Variants in MYCBP2 observed in about 807,000 individuals in gnomAD.
MYCBP2 encodes the protein MYC binding protein 2.
A neutral mutation model predicts 525.3 loss-of-function variants in MYCBP2; 120 were observed. The ratio of observed to expected loss-of-function variants is 0.23; its 90% CI spans 0.20 to 0.27. The LOEUF (loss-of-function observed/expected upper bound fraction) is 0.27, where lower values mean the gene tolerates loss of function less well. MYCBP2 is among the 10% of genes least tolerant of loss of function. The probability of loss-of-function intolerance (pLI) is 1.00; values close to 1 mark genes in which losing one functional copy is unlikely to be tolerated. For missense variants in MYCBP2, 4,149 were observed against 5,657.1 expected, an observed-to-expected ratio of 0.73 and a Z score of 8.55; for synonymous variants, 1,894 against 1,955.8, an observed-to-expected ratio of 0.97 and a Z score of 0.83.
At chr13:77,249,097 T>C (rs747154577) in intron 15 of MYCBP2, among the ~76,000 whole-genome samples, 5 of 152,208 alleles carry the variant, frequency 3.3e-5, no homozygotes, top group Non-Finnish European at 7.4e-5. Context: ...GAATAGTGGA[T>C]GCCAGAGGCA....
At chr13:77,187,750 A>T (rs1048667187) in intron 30 of MYCBP2, among the ~76,000 whole-genome samples, 6 of 152,156 alleles carry the variant, frequency 3.9e-5, no homozygotes, top group Non-Finnish European at 8.8e-5. Context: ...TTTGCATATA[A>T]AAATGGTCTG....
intron 11 of MYCBP2, 54 bp from the exon 12 acceptor site, chr13:77,261,429 G>A: frequency 2.4e-6 from 3 of 1,271,150 alleles, no homozygotes; most frequent in African/African-American, 1.5e-5. Flanking sequence ...TAGTGCATCA[G>A]GTTTCACATG....
chr13:77,101,327 C>T (rs1207203296), intron 55 of MYCBP2, among the ~76,000 whole-genome samples: 1 of 152,080 alleles, frequency 6.6e-6, no homozygotes, highest in Non-Finnish European at 1.5e-5. Context: ...AGATTACCTA[C>T]TCCCTGTGTC....
intron 45 of MYCBP2, among the ~76,000 whole-genome samples, chr13:77,157,558 C>T (rs1175114200): frequency 2.0e-5 from 3 of 151,916 alleles, no homozygotes; most frequent in South Asian, 2.1e-4. Context: ...CCAGCCTGGG[C>T]AACATGGGGA....
At chr13:77,141,340 C>G (rs1337516553) in intron 49 of MYCBP2, among the ~76,000 whole-genome samples, 1 of 152,180 alleles carries the variant, frequency 6.6e-6, no homozygotes. Flanking sequence ...AGCTGAGGTT[C>G]TCATGTTAGA....
intron 47 of MYCBP2, among the ~76,000 whole-genome samples, chr13:77,150,314 T>A (rs1005516085): frequency 6.6e-6 from 1 of 152,160 alleles, no homozygotes; most frequent in Admixed American, 6.5e-5. Context: ...ATTTTATTTT[T>A]ATTTTTTTGT....
chr13:77,276,816 G>GTTTTTTTTTTTTTCT (rs2075655784), intron 4 of MYCBP2, among the ~76,000 whole-genome samples: 1 of 76,232 alleles, frequency 1.3e-5, no homozygotes, highest in Admixed American at 1.8e-4. Flanking sequence ...TCCATGCCCA[G>GTTTTTTTTTTTTTCT]TTTTTTTTTT....
At chr13:77,228,384 G>T (rs549048418) in intron 18 of MYCBP2, among the ~76,000 whole-genome samples, 6 of 151,902 alleles carry the variant, frequency 3.9e-5, no homozygotes, top group Admixed American at 3.9e-4. Flanking sequence ...GTGAATACCT[G>T]CAGTCCCAGC....
intron 46 of MYCBP2, 43 bp downstream of exon 46, chr13:77,156,015 G>A (rs1462119932): frequency 6.4e-7 from 1 of 1,557,852 alleles, no homozygotes; most frequent in East Asian, 2.3e-5. Context: ...AGTCATTGCA[G>A]CCAGTATATA....
intron 7 of MYCBP2, among the ~76,000 whole-genome samples, chr13:77,268,750 G>C (rs1158526735): frequency 6.6e-6 from 1 of 151,030 alleles, no homozygotes; most frequent in Non-Finnish European, 1.5e-5. Flanking sequence ...CTGCATTCCA[G>C]CCTCAGCGAC....
chr13:77,160,068 T>G (rs2057710190), intron 44 of MYCBP2, among the ~76,000 whole-genome samples: 1 of 149,832 alleles, frequency 6.7e-6, no homozygotes, highest in Non-Finnish European at 1.5e-5. Flanking sequence ...TCACAAACTT[T>G]TTTTTTTTTT....
chr13:77,220,411 C>A (rs1472815134), intron 20 of MYCBP2, among the ~76,000 whole-genome samples: 3 of 152,056 alleles, frequency 2.0e-5, no homozygotes, highest in Non-Finnish European at 1.5e-5. Flanking sequence ...GATCATATAG[C>A]TACCAAGTGA....
At chr13:77,239,495 T>C (rs2068488809) in intron 17 of MYCBP2, among the ~76,000 whole-genome samples, 1 of 152,192 alleles carries the variant, frequency 6.6e-6, no homozygotes, top group Non-Finnish European at 1.5e-5. Context: ...TCCAAGACCC[T>C]TGACCCATAA....
chr13:77,078,280 A>G (rs1405489823), intron 66 of MYCBP2, among the ~76,000 whole-genome samples: 1 of 152,212 alleles, frequency 6.6e-6, no homozygotes, highest in Non-Finnish European at 1.5e-5. Flanking sequence ...TTTTTGTGAG[A>G]TAAAGTAGCC....
chr13:77,233,906 T>C (rs1237289341), intron 17 of MYCBP2, among the ~76,000 whole-genome samples: 1 of 151,522 alleles, frequency 6.6e-6, no homozygotes, highest in Non-Finnish European at 1.5e-5. Context: ...GAAAGGAGCT[T>C]GGGCTTTATA....
intron 45 of MYCBP2, 144 bp from the exon 46 acceptor site, chr13:77,156,346 C>T: frequency 1.4e-6 from 1 of 713,870 alleles, no homozygotes. Flanking sequence ...CAGTGATAAT[C>T]ATGAGTGTCT....
chr13:77,231,013 T>C (rs1223537082), intron 18 of MYCBP2, among the ~76,000 whole-genome samples: 1 of 152,194 alleles, frequency 6.6e-6, no homozygotes, highest in African/African-American at 2.4e-5. Context: ...GTGTAAATGG[T>C]TAGTGGCTGG....
At chr13:77,322,803 T>C (rs140250757) in intron 1 of MYCBP2, among the ~76,000 whole-genome samples, 2 of 152,342 alleles carry the variant, frequency 1.3e-5, no homozygotes, top group Non-Finnish European at 2.9e-5. Flanking sequence ...ACCATTCACA[T>C]TCAGAACAGA....
rs2065666689 is a variant in MYCBP2 at position 77,222,047 on chromosome 13, C to A, written c.2939+2404G>T. On this transcript the variant is annotated intron_variant, in intron 20 of 82. Coordinates refer to ENST00000544440, the MANE Select transcript of MYCBP2 (RefSeq NM_015057.5). The stretch of plus-strand genomic sequence containing the variant: ...CAAAAACATCTGTACATGTGCAGTA[C>A]AGATGCAATTATCGTAGGCCTAACT... 3.3e-5 allele frequency among the ~76,000 whole-genome samples: 5 copies of A among 152,160 alleles called. No homozygotes were observed. The South Asian group carries it at 1.0e-3, about 31-fold the overall frequency.
Sources: allele counts gnomAD v4.1 joint callset (sites outside exome capture counted in the v4.1 genomes callset), GRCh38; gene constraint gnomAD v4.1.1; transcripts MANE v1.5; gene names NCBI Gene and HGNC (gene_info 2026-07-23, HGNC 2026-07-21).